ITGBL1: variants seen among roughly 807,000 people sequenced by gnomAD.
ITGBL1 encodes integrin subunit beta like 1.
Under a neutral mutation model 68.5 loss-of-function variants are expected in ITGBL1, and 51 were observed. The observed-to-expected ratio is 0.74, with a 90% confidence interval of 0.59 to 0.94. The LOEUF is 0.94. Ranked by LOEUF, ITGBL1 falls within the 40% of genes least tolerant of loss-of-function variation. ITGBL1 has a pLI of 0.00. For missense variants in ITGBL1, 649 were observed against 647.4 expected (o/e 1.00, Z -0.03); for synonymous variants, 209 against 227.3 (o/e 0.92, Z 0.72).
chr13:101,708,233 G>C (rs1594999010), intron 9 of ITGBL1, among the ~76,000 whole-genome samples: 1 of 152,104 alleles, frequency 6.6e-6, no homozygotes, highest in African/African-American at 2.4e-5. Context: ...GTTCTTCTTT[G>C]CTAGTGACTA....
rs536350198 is a variant in ITGBL1 at position 101,611,085 on chromosome 13, T to TG, written c.1015+12792dup. Among the ~76,000 whole-genome samples, 25 of 152,252 alleles carry TG rather than the reference T, an allele frequency of 1.6e-4. No homozygotes were observed. The South Asian group carries it at 5.2e-3, about 32-fold the overall frequency. On this transcript the variant is annotated intron_variant, in intron 7 of 10. Transcript: ENST00000376180. ...AATAAGAAAATGGTGGGAGACAGCCTGGGGGGAAATATGTCTCTCCCTCCC... is the reference window on the plus strand; with the variant it reads ...AATAAGAAAATGGTGGGAGACAGCCTGGGGGGGAAATATGTCTCTCCCTCCC...
chr13:101,647,289 AT>A (rs1042355873), intron 7 of ITGBL1, among the ~76,000 whole-genome samples: 7 of 152,170 alleles, frequency 4.6e-5, no homozygotes, highest in Non-Finnish European at 1.5e-5. Context: ...CCAAATTAAT[AT>A]TTTTCATTTT....
At chr13:101,571,665 C>A (rs2050274478) in intron 3 of ITGBL1, among the ~76,000 whole-genome samples, 1 of 152,070 alleles carries the variant, frequency 6.6e-6, no homozygotes. Context: ...CTTCTCTGTG[C>A]ATGTATTTCT....
At chr13:101,479,311 A>G (rs1300132357) in intron 2 of ITGBL1, among the ~76,000 whole-genome samples, 2 of 152,076 alleles carry the variant, frequency 1.3e-5, no homozygotes, top group East Asian at 3.8e-4. Context: ...ATCAAATCAA[A>G]ATGTATTAAA....
intron 8 of ITGBL1, among the ~76,000 whole-genome samples, chr13:101,705,756 G>A (rs1451059677): frequency 6.6e-6 from 1 of 152,236 alleles, no homozygotes; most frequent in Non-Finnish European, 1.5e-5. Context: ...AAATGGTCAG[G>A]AGAGAACGGT....
At chr13:101,495,561 G>C (rs879659936) in intron 2 of ITGBL1, among the ~76,000 whole-genome samples, 1 of 151,998 alleles carries the variant, frequency 6.6e-6, no homozygotes, top group Non-Finnish European at 1.5e-5. Flanking sequence ...TATTTGTGTA[G>C]GAATCTTCTG....
intron 4 of ITGBL1, 39 bp downstream of exon 4, chr13:101,575,585 TG>T (rs754520268): frequency 4.4e-6 from 7 of 1,591,648 alleles, no homozygotes; most frequent in African/African-American, 2.7e-5. Context: ...TAAAAGTACC[TG>T]TTTTTTTCAC....
At chr13:101,595,093 T>C (rs1385913337) in intron 6 of ITGBL1, among the ~76,000 whole-genome samples, 1 of 151,896 alleles carries the variant, frequency 6.6e-6, no homozygotes, top group Non-Finnish European at 1.5e-5. Context: ...AATAAATAAC[T>C]AAAACCAAAA....
At chr13:101,661,391 T>A (rs1167499769) in intron 7 of ITGBL1, among the ~76,000 whole-genome samples, 1 of 152,192 alleles carries the variant, frequency 6.6e-6, no homozygotes, top group African/African-American at 2.4e-5. Context: ...TCATGACACC[T>A]ACTCCCCGGC....
At chr13:101,621,062 A>G (rs1430721896) in intron 7 of ITGBL1, among the ~76,000 whole-genome samples, 1 of 152,168 alleles carries the variant, frequency 6.6e-6, no homozygotes, top group Non-Finnish European at 1.5e-5. Context: ...ATCACCAGAC[A>G]AGGTGAAGCC....
Position 101,705,307 on chromosome 13 carries a change from A to AAAAAC in ITGBL1, c.1133-1447_1133-1446insAACAA, listed in dbSNP as rs1555367877. On this transcript the variant is annotated intron_variant, in intron 8 of 10. Coordinates refer to ENST00000376180, the MANE Select transcript of ITGBL1 (RefSeq NM_004791.3). The stretch of plus-strand genomic sequence containing the variant: ...ATTTAAAAAGCAAAAAAAAAAAAAA[A>AAAAAC]AACAACAACAACAAAAAAAAATAGT... 5.1e-4 allele frequency among the ~76,000 whole-genome samples: 74 copies of AAAAAC among 144,928 alleles called. 1 individual carries two copies. Among genetic ancestry groups the AAAAAC allele is most frequent in the African/African-American group, 1.8e-3 (67 of 37,496 alleles).
intron 7 of ITGBL1, among the ~76,000 whole-genome samples, chr13:101,633,879 T>C (rs1566767315): frequency 6.6e-6 from 1 of 152,158 alleles, no homozygotes; most frequent in East Asian, 1.9e-4. Context: ...AATGGTTACA[T>C]AATTTTTCTC....
At chr13:101,645,553 G>A (rs778258023) in intron 7 of ITGBL1, among the ~76,000 whole-genome samples, 1 of 152,100 alleles carries the variant, frequency 6.6e-6, no homozygotes, top group Non-Finnish European at 1.5e-5. Flanking sequence ...TAGGCAACTA[G>A]CATTCTCATT....
intron 8 of ITGBL1, among the ~76,000 whole-genome samples, chr13:101,700,190 G>A (rs2034103696): frequency 6.6e-6 from 1 of 152,190 alleles, no homozygotes; most frequent in African/African-American, 2.4e-5. Context: ...TCTTAAGAGT[G>A]TCTCAAATAC....
At chr13:101,698,321 C>T (rs1048017474) in intron 8 of ITGBL1, among the ~76,000 whole-genome samples, 22 of 152,158 alleles carry the variant, frequency 1.4e-4, no homozygotes, top group Non-Finnish European at 2.5e-4. Context: ...GATGCATGAG[C>T]ACTAAGAGCC....
At chr13:101,521,360 A>G (rs555624238) in intron 2 of ITGBL1, among the ~76,000 whole-genome samples, 1 of 152,328 alleles carries the variant, frequency 6.6e-6, no homozygotes, top group South Asian at 2.1e-4. Flanking sequence ...TAAAAAATAA[A>G]GTAGGTTAGA....
At chr13:101,549,535 AAAC>A (rs2049885338) in intron 2 of ITGBL1, among the ~76,000 whole-genome samples, 2 of 152,066 alleles carry the variant, frequency 1.3e-5, no homozygotes, top group African/African-American at 4.8e-5. Context: ...AAAAGGCTGA[AAAC>A]AACATACAGA....
In ITGBL1 at chr13:101,623,207, T is replaced by C. The variant is rs549707187; in HGVS notation, c.1015+24908T>C. Among the ~76,000 whole-genome samples, 3 of 152,140 alleles carry C rather than the reference T, an allele frequency of 2.0e-5. No homozygotes were observed. In the East Asian group the frequency reaches 5.8e-4, roughly 29 times the overall value. On this transcript the variant is annotated intron_variant, in intron 7 of 10. Coordinates refer to ENST00000376180, the MANE Select transcript of ITGBL1 (RefSeq NM_004791.3). ...AATTTTAAAATATTAAATATTAATA[T>C]GATAATGCAATCCGAGGTTTATAAT...
intron 2 of ITGBL1, among the ~76,000 whole-genome samples, chr13:101,532,461 G>A (rs2049500907): frequency 6.6e-6 from 1 of 152,158 alleles, no homozygotes; most frequent in Non-Finnish European, 1.5e-5. Context: ...ATCTTTAGAT[G>A]CTAATTGCAA....
Sources: allele counts gnomAD v4.1 joint callset (sites outside exome capture counted in the v4.1 genomes callset), GRCh38; gene constraint gnomAD v4.1.1; transcripts MANE v1.5; gene names NCBI Gene and HGNC (gene_info 2026-07-23, HGNC 2026-07-21).